Variants in THRAP3 observed in about 807,000 individuals in gnomAD.
THRAP3 encodes the protein thyroid hormone receptor associated protein 3.
A neutral mutation model predicts 101.0 loss-of-function variants in THRAP3; 16 were observed. That is an observed-to-expected ratio of 0.16 (90% CI 0.11 to 0.24). THRAP3 has a LOEUF of 0.24. THRAP3 is among the 10% of genes least tolerant of loss of function. The probability of loss-of-function intolerance (pLI) is 1.00; values close to 1 mark genes in which losing one functional copy is unlikely to be tolerated. For missense variants in THRAP3, 989 were observed against 1,202.7 expected (o/e 0.82, Z 2.63); for synonymous variants, 407 against 422.6 (o/e 0.96, Z 0.45).
intron 2 of THRAP3, among the ~76,000 whole-genome samples, chr1:36,262,954 G>A (rs1157541365): frequency 7.1e-6 from 1 of 140,626 alleles, no homozygotes; most frequent in Admixed American, 7.3e-5. Context: ...CACCAGGGCC[G>A]GCTAATTTTT....
intron 1 of THRAP3, among the ~76,000 whole-genome samples, chr1:36,232,792 G>C (rs1210872803): frequency 6.6e-6 from 1 of 152,158 alleles, no homozygotes; most frequent in Non-Finnish European, 1.5e-5. Flanking sequence ...AGGGGCAAGA[G>C]GGTACTTTCT....
intron 3 of THRAP3, among the ~76,000 whole-genome samples, chr1:36,285,569 C>T (rs1485049540): frequency 6.6e-6 from 1 of 152,100 alleles, no homozygotes; most frequent in Non-Finnish European, 1.5e-5. Flanking sequence ...CTGTGCACAC[C>T]GGGGTGGGGG....
intron 1 of THRAP3, among the ~76,000 whole-genome samples, chr1:36,255,497 G>A (rs1645361604): frequency 6.6e-6 from 1 of 151,474 alleles, no homozygotes; most frequent in African/African-American, 2.4e-5. Context: ...GGCCAGGCGC[G>A]GTGGCTCATG....
At chr1:36,278,900 G>A (rs1253485824) in intron 2 of THRAP3, among the ~76,000 whole-genome samples, 1 of 151,438 alleles carries the variant, frequency 6.6e-6, no homozygotes, top group Non-Finnish European at 1.5e-5. Flanking sequence ...TCTAGCCTGA[G>A]CAACAAGAGC....
chr1:36,230,518 C>T (rs1416185622), intron 1 of THRAP3, among the ~76,000 whole-genome samples: 3 of 152,316 alleles, frequency 2.0e-5, no homozygotes, highest in South Asian at 2.1e-4. Context: ...CTGCCTCGTC[C>T]TCCCAAAGTG....
At chr1:36,245,716 A>G (rs560648591) in intron 1 of THRAP3, among the ~76,000 whole-genome samples, 2 of 152,240 alleles carry the variant, frequency 1.3e-5, no homozygotes, top group South Asian at 2.1e-4. Flanking sequence ...GAGGCTAGCT[A>G]TGTTTTGGTT....
Position 36,224,488 on chromosome 1 carries a change from T to G in THRAP3, c.-152T>G, listed in dbSNP as rs544220468. 5 of 152,758 alleles carry G rather than the reference T, an allele frequency of 3.3e-5. No individual in the cohort carries two copies. The highest frequency in any genetic ancestry group is 4.1e-4 in the South Asian group (2 of 4,848). The allele number at this position is 152,758 out of a possible 1,614,324, so 9.5% of individuals were successfully genotyped here. On this transcript the variant is annotated 5_prime_UTR_variant, in exon 1 of 12. Coordinates refer to ENST00000354618, the MANE Select transcript of THRAP3 (RefSeq NM_005119.4). ...GTTCCGTTGCGAGCTGCAGCTGCGA[T>G]CTCTGTGGTAGGCCCAGGTGAGTGA...
At chr1:36,265,992 G>A (rs1645509125) in intron 2 of THRAP3, among the ~76,000 whole-genome samples, 1 of 151,686 alleles carries the variant, frequency 6.6e-6, no homozygotes. Context: ...CGTCTGTATT[G>A]AAAATACAAA....
At chr1:36,263,033 A>G (rs868380431) in intron 2 of THRAP3, among the ~76,000 whole-genome samples, 3 of 129,830 alleles carry the variant, frequency 2.3e-5, no homozygotes, top group Admixed American at 2.0e-4. Flanking sequence ...GATGGTCTCT[A>G]TCTCCTGACC....
At chr1:36,232,606 T>TA (rs1465096068) in intron 1 of THRAP3, among the ~76,000 whole-genome samples, 1 of 152,256 alleles carries the variant, frequency 6.6e-6, no homozygotes, top group African/African-American at 2.4e-5. Context: ...GACATTGAGT[T>TA]ACGTAGAAGA....
At position 36,286,243 on chromosome 1, in the gene THRAP3, C is replaced by A; in HGVS notation, c.138-125C>A. ...CGTAGTGGGATTAAATATTTGTGCC[C>A]TTGCTTTGAAAACAAAACTGAAAGT... On this transcript the variant is annotated intron_variant, in intron 3 of 11. Transcript: ENST00000354618. The surrounding 1 kb of genome is among the most constrained non-coding windows in gnomAD (Gnocchi z 5.5). 1.0e-6 allele frequency: 1 copy of A among 959,512 alleles called. No homozygotes were observed. The highest frequency in any genetic ancestry group is 1.6e-6 in the Non-Finnish European group (1 of 644,692). 59.4% of individuals were successfully genotyped at this position (959,512 alleles called of 1,614,324 possible). A position where few individuals can be genotyped will look rare whatever the true frequency, so the allele number is the denominator to read the frequency against.
intron 8 of THRAP3, among the ~76,000 whole-genome samples, chr1:36,296,163 C>T (rs986773892): frequency 6.6e-6 from 1 of 151,618 alleles, no homozygotes; most frequent in South Asian, 2.1e-4. Context: ...TAGTAGAGAA[C>T]AGGGTTTTGG....
At chr1:36,265,560 T>TG (rs1645503922) in intron 2 of THRAP3, among the ~76,000 whole-genome samples, 1 of 151,960 alleles carries the variant, frequency 6.6e-6, no homozygotes, top group African/African-American at 2.4e-5. Context: ...AGAATGCCCT[T>TG]GGTACTTGTT....
At chr1:36,285,691 A>C (rs1645786538) in intron 3 of THRAP3, among the ~76,000 whole-genome samples, 2 of 152,110 alleles carry the variant, frequency 1.3e-5, no homozygotes, top group Admixed American at 1.3e-4. Context: ...CAGAAATATG[A>C]CCTAAGTAGT....
At chr1:36,213,893 GAA>G in the THRAP3 span, among the ~76,000 whole-genome samples, 3 of 130,494 alleles carry the variant, frequency 2.3e-5, no homozygotes, top group Non-Finnish European at 3.3e-5. Flanking sequence ...AAGAAGGAAA[GAA>G]AGAAAGAAGG....
At chr1:36,270,094 A>G (rs896396206) in intron 2 of THRAP3, among the ~76,000 whole-genome samples, 2 of 152,142 alleles carry the variant, frequency 1.3e-5, no homozygotes, top group East Asian at 3.9e-4. Context: ...ATACTTCTAT[A>G]ATAAAATAAA....
chr1:36,259,741 G>A (rs890110486), intron 2 of THRAP3, among the ~76,000 whole-genome samples: 2 of 148,658 alleles, frequency 1.3e-5, no homozygotes, highest in Non-Finnish European at 3.0e-5. Context: ...ACTCCAGCCT[G>A]GGTGACAGCA....
intron 1 of THRAP3, among the ~76,000 whole-genome samples, chr1:36,231,426 T>C (rs1287631503): frequency 6.6e-6 from 1 of 152,218 alleles, no homozygotes; most frequent in African/African-American, 2.4e-5. Flanking sequence ...ATGTTGTCAC[T>C]GCATAGCTTG....
At chr1:36,228,673 C>T (rs926445456) in intron 1 of THRAP3, among the ~76,000 whole-genome samples, 1 of 152,168 alleles carries the variant, frequency 6.6e-6, no homozygotes, top group African/African-American at 2.4e-5. Context: ...GACATTACAT[C>T]CTTAATCTAT....
Sources: gnomAD v4.1 joint callset for allele counts (sites outside exome capture counted in the v4.1 genomes callset) on GRCh38, gnomAD v4.1.1 for gene constraint, Gnocchi (gnomAD v3.1) non-coding constraint, MANE v1.5 for transcripts, NCBI Gene and HGNC (gene_info 2026-07-23, HGNC 2026-07-21) for gene names.